SNX29: variants seen among roughly 807,000 people sequenced by gnomAD.
SNX29 encodes sorting nexin 29.
A neutral mutation model predicts 102.1 loss-of-function variants in SNX29; 78 were observed. The ratio of observed to expected loss-of-function variants is 0.76; its 90% CI spans 0.64 to 0.92. The LOEUF (loss-of-function observed/expected upper bound fraction) is 0.92. SNX29 is among the 40% of genes least tolerant of loss of function. The pLI is 0.00. For synonymous variants in SNX29, 580 were observed against 414.5 expected (o/e 1.40, Z -4.85); for missense variants, 1,280 against 1,061.7 (o/e 1.21, Z -2.86).
At chr16:12,109,643 A>C (rs573172231) in intron 11 of SNX29, among the ~76,000 whole-genome samples, 4 of 152,250 alleles carry the variant, frequency 2.6e-5, no homozygotes, top group Non-Finnish European at 4.4e-5. Flanking sequence ...GCAAGGAGGG[A>C]CATGGTGAGT....
At chr16:12,519,554 G>T (rs1477622908) in intron 19 of SNX29, among the ~76,000 whole-genome samples, 1 of 152,186 alleles carries the variant, frequency 6.6e-6, no homozygotes, top group Non-Finnish European at 1.5e-5. Flanking sequence ...GTATTTAGGA[G>T]TAAAATGTCA....
chr16:12,447,275 G>A (rs1234606977), intron 18 of SNX29, among the ~76,000 whole-genome samples: 1 of 148,476 alleles, frequency 6.7e-6, no homozygotes, highest in Admixed American at 6.7e-5. Context: ...AATTGAAGAA[G>A]TCCCATCGGC....
At chr16:12,105,910 G>T (rs2053217177) in intron 11 of SNX29, among the ~76,000 whole-genome samples, 1 of 152,164 alleles carries the variant, frequency 6.6e-6, no homozygotes, top group Admixed American at 6.5e-5. Flanking sequence ...ATTTACCAGC[G>T]AGCTCAGCGG....
chr16:12,501,724 C>CAAAAA (rs59431064), intron 19 of SNX29, among the ~76,000 whole-genome samples: 4 of 44,922 alleles, frequency 8.9e-5, no homozygotes, highest in African/African-American at 2.2e-4. Context: ...GACACTGTCT[C>CAAAAA]AAAAAAAAAA....
intron 16 of SNX29, among the ~76,000 whole-genome samples, chr16:12,365,113 C>CT (rs375659916): frequency 6.6e-6 from 1 of 152,132 alleles, no homozygotes; most frequent in South Asian, 2.1e-4. Context: ...ACCCAGGACT[C>CT]TTTTGTTCCA....
chr16:12,100,700 C>A (rs1367786728), intron 11 of SNX29, among the ~76,000 whole-genome samples: 1 of 85,230 alleles, frequency 1.2e-5, no homozygotes, highest in Non-Finnish European at 2.2e-5. Flanking sequence ...CTGGGTGTGG[C>A]TGGGGCAGGA....
chr16:12,067,417 C>G (rs763903103), intron 9 of SNX29, among the ~76,000 whole-genome samples: 1 of 152,114 alleles, frequency 6.6e-6, no homozygotes, highest in Non-Finnish European at 1.5e-5. Flanking sequence ...GAGGCGTGCT[C>G]TCTCCAGCAC....
intron 14 of SNX29, among the ~76,000 whole-genome samples, chr16:12,218,380 T>A (rs1453896218): frequency 6.6e-6 from 1 of 152,222 alleles, no homozygotes; most frequent in Non-Finnish European, 1.5e-5. Flanking sequence ...GGAATTACAG[T>A]CTATGTCAGG....
At chr16:11,982,520 C>T (rs941602927) in intron 1 of SNX29, among the ~76,000 whole-genome samples, 9 of 151,390 alleles carry the variant, frequency 5.9e-5, no homozygotes, top group African/African-American at 1.9e-4. Flanking sequence ...AGCTCTGCCT[C>T]CTGGGTTCAG....
At chr16:12,551,281 G>T (rs569154031) in intron 20 of SNX29, among the ~76,000 whole-genome samples, 3 of 152,228 alleles carry the variant, frequency 2.0e-5, no homozygotes, top group South Asian at 2.1e-4. Context: ...ACCGTCAAAT[G>T]TTTAACCAGT....
chr16:12,332,929 C>G (rs1215344309), intron 15 of SNX29, among the ~76,000 whole-genome samples: 1 of 152,090 alleles, frequency 6.6e-6, no homozygotes, highest in East Asian at 1.9e-4. Flanking sequence ...TTGAGACCCT[C>G]ATGGCCACCC....
At position 12,051,800 on chromosome 16, in the gene SNX29, C is replaced by T. The variant is rs773977764; in HGVS notation, c.749-47C>T. On this transcript the variant is annotated intron_variant, in intron 7 of 20. Coordinates refer to ENST00000566228, the MANE Select transcript of SNX29 (RefSeq NM_032167.5). ...TGAGTTGGTTCCATCATCCTTTTGT[C>T]TTGCCTCCTTTTTCTTATACTGTAT... 7 of 1,585,412 alleles carry T rather than the reference C, an allele frequency of 4.4e-6. No homozygotes were observed. The African/African-American group carries it at 5.5e-5, about 12-fold the overall frequency.
At chr16:12,079,325 C>T (rs2051746606) in intron 11 of SNX29, among the ~76,000 whole-genome samples, 1 of 152,190 alleles carries the variant, frequency 6.6e-6, no homozygotes, top group Admixed American at 6.5e-5. Flanking sequence ...TCAACTGTTT[C>T]CAACTTTACT....
At chr16:12,143,772 C>CT (rs1455651382) in intron 13 of SNX29, among the ~76,000 whole-genome samples, 2 of 152,324 alleles carry the variant, frequency 1.3e-5, no homozygotes, top group Non-Finnish European at 1.5e-5. Flanking sequence ...TCAGATGTAA[C>CT]TAGCTTCCTA....
chr16:12,046,775 A>G (rs979626757), intron 6 of SNX29, among the ~76,000 whole-genome samples: 2 of 152,090 alleles, frequency 1.3e-5, no homozygotes, highest in African/African-American at 4.8e-5. Context: ...GCCTGCCACC[A>G]TGACCAGCTA....
At chr16:12,547,858 A>G (rs1409658553) in intron 20 of SNX29, among the ~76,000 whole-genome samples, 1 of 152,174 alleles carries the variant, frequency 6.6e-6, no homozygotes, top group African/African-American at 2.4e-5. Context: ...GGAGTTTAGC[A>G]AAATGAGCCA....
intron 3 of SNX29, among the ~76,000 whole-genome samples, chr16:12,025,972 G>A (rs905280828): frequency 4.6e-5 from 7 of 152,140 alleles, no homozygotes; most frequent in African/African-American, 1.4e-4. Context: ...ATAATAGTAC[G>A]TGCCTCATCT....
chr16:12,289,855 G>A (rs752108246), intron 15 of SNX29, among the ~76,000 whole-genome samples: 1 of 152,066 alleles, frequency 6.6e-6, no homozygotes, highest in African/African-American at 2.4e-5. Context: ...ATGGACGCGA[G>A]TGAAAGAGAT....
intron 3 of SNX29, among the ~76,000 whole-genome samples, chr16:12,005,945 C>T (rs572389008): frequency 6.6e-6 from 1 of 152,164 alleles, no homozygotes; most frequent in African/African-American, 2.4e-5. Flanking sequence ...CTACCATAAC[C>T]TTTGTTATAG....
Sources: allele counts gnomAD v4.1 joint callset (sites outside exome capture counted in the v4.1 genomes callset), GRCh38; gene constraint gnomAD v4.1.1; transcripts MANE v1.5; gene names NCBI Gene and HGNC (gene_info 2026-07-23, HGNC 2026-07-21).